The following FAM81A variants were observed in gnomAD, a reference collection of about 807,000 sequenced individuals.
FAM81A encodes family with sequence similarity 81 member A, also known as protein FAM81A.
FAM81A carries 19 observed loss-of-function variants against 46.7 expected under a neutral mutation model. That is an observed-to-expected ratio of 0.41 (90% confidence interval 0.28 to 0.60). The LOEUF is 0.60. Among genes scored for constraint, FAM81A ranks in the 20% least tolerant of loss-of-function variants. FAM81A has a pLI of 0.34. For synonymous variants in FAM81A, 183 were observed against 152.9 expected (o/e 1.20, Z -1.45); for missense variants, 377 against 453.5 (o/e 0.83, Z 1.53).
chr15:59,407,417 C>T (rs1464505355), intron 2 of FAM81A, among the ~76,000 whole-genome samples: 1 of 151,826 alleles, frequency 6.6e-6, no homozygotes, highest in Non-Finnish European at 1.5e-5. Flanking sequence ...GCCTCAGCCT[C>T]CCCAGTATCT....
At chr15:59,452,870 C>A (rs901868848) in intron 1 of FAM81A, among the ~76,000 whole-genome samples, 7 of 152,096 alleles carry the variant, frequency 4.6e-5, no homozygotes, top group Non-Finnish European at 8.8e-5. Context: ...TCAGGTGGTC[C>A]TCCTACCTTA....
intron 3 of FAM81A, among the ~76,000 whole-genome samples, chr15:59,474,099 G>C (rs1197268003): frequency 6.6e-6 from 1 of 152,052 alleles, no homozygotes; most frequent in Non-Finnish European, 1.5e-5. Flanking sequence ...CTTTCCCTCA[G>C]TGTATCCTGG....
At chr15:59,454,607 T>G (rs2081460179) in intron 1 of FAM81A, among the ~76,000 whole-genome samples, 1 of 152,062 alleles carries the variant, frequency 6.6e-6, no homozygotes, top group South Asian at 2.1e-4. Flanking sequence ...TATTGCATAT[T>G]TTGGGCATTT....
chr15:59,464,030 C>CT (rs1159127072), intron 3 of FAM81A, among the ~76,000 whole-genome samples: 1 of 152,096 alleles, frequency 6.6e-6, no homozygotes, highest in Non-Finnish European at 1.5e-5. Context: ...TTGAGATCAA[C>CT]TTTTTTTAGC....
intron 4 of FAM81A, among the ~76,000 whole-genome samples, chr15:59,505,378 G>T (rs1168466514): frequency 2.0e-5 from 3 of 152,070 alleles, no homozygotes; most frequent in African/African-American, 7.2e-5. Flanking sequence ...CAGGCATGGT[G>T]ATGTGTACCT....
At chr15:59,449,675 G>A (rs1391790152) in intron 1 of FAM81A, among the ~76,000 whole-genome samples, 5 of 151,138 alleles carry the variant, frequency 3.3e-5, no homozygotes, top group Non-Finnish European at 5.9e-5. Context: ...CCAGCTACGC[G>A]GGAGGCTGAG....
At chr15:59,518,911 G>T (rs2082295967) in intron 8 of FAM81A, among the ~76,000 whole-genome samples, 1 of 149,900 alleles carries the variant, frequency 6.7e-6, no homozygotes, top group South Asian at 2.1e-4. Context: ...GTTAACATAT[G>T]TATCATCTCA....
At chr15:59,452,792 C>G (rs1376150412) in intron 1 of FAM81A, among the ~76,000 whole-genome samples, 1 of 152,182 alleles carries the variant, frequency 6.6e-6, no homozygotes, top group Admixed American at 6.6e-5. Context: ...AACAGGATCT[C>G]ACTCTGTCAC....
intron 2 of FAM81A, among the ~76,000 whole-genome samples, chr15:59,427,674 T>C (rs1427974767): frequency 6.6e-6 from 1 of 152,248 alleles, no homozygotes; most frequent in East Asian, 1.9e-4. Context: ...TTTCTGTGCC[T>C]GTTTTATTTT....
At chr15:59,486,774 G>C (rs1246547837) in intron 3 of FAM81A, among the ~76,000 whole-genome samples, 1 of 152,110 alleles carries the variant, frequency 6.6e-6, no homozygotes, top group African/African-American at 2.4e-5. Context: ...ACCTACCATA[G>C]TGTATCTGTT....
chr15:59,482,465 C>T (rs545731832), intron 3 of FAM81A, among the ~76,000 whole-genome samples: 1 of 152,266 alleles, frequency 6.6e-6, no homozygotes, highest in African/African-American at 2.4e-5. Context: ...GACGGGGTTT[C>T]ACCATGTTGG....
At chr15:59,444,275 G>A (rs2081331613) in intron 1 of FAM81A, 2 of 152,228 alleles carry the variant, frequency 1.3e-5, no homozygotes, top group African/African-American at 4.8e-5. Context: ...GTGTGCGATG[G>A]TGGATGTGAG....
At chr15:59,498,965 A>G (rs1299229959) in intron 4 of FAM81A, among the ~76,000 whole-genome samples, 2 of 152,180 alleles carry the variant, frequency 1.3e-5, no homozygotes, top group East Asian at 1.9e-4. Context: ...CACCGCACCC[A>G]GCCCAAATGT....
At chr15:59,436,859 G>A (rs530410530), upstream of FAM81A, among the ~76,000 whole-genome samples, 10 of 152,274 alleles carry the variant, frequency 6.6e-5, no homozygotes, top group East Asian at 1.3e-3. Flanking sequence ...TGGTCACAAC[G>A]GCAGTGTTAA....
At chr15:59,407,131 C>T (rs1187206141) in intron 2 of FAM81A, 1 of 156,974 alleles carries the variant, frequency 6.4e-6, no homozygotes, top group East Asian at 1.8e-4. Flanking sequence ...GCTTCTTTGT[C>T]TTCCAAGTTA....
At chr15:59,475,611 AT>A (rs538975596) in intron 3 of FAM81A, among the ~76,000 whole-genome samples, 183 of 152,256 alleles carry the variant, frequency 1.2e-3, no homozygotes, top group African/African-American at 4.4e-3. Context: ...GGAGTGTGCA[AT>A]TTTGCAAGTG....
In FAM81A at chr15:59,507,221, C is replaced by T. The variant is rs1480176497; in HGVS notation, c.422C>T (p.Ala141Val). The change falls in exon 5 of 9, where the codon GCC becomes GTC. Residue 141 changes from alanine to valine, a missense_variant. By Grantham distance (64) the Ala-to-Val change is moderately conservative. Transcript: ENST00000288228. The stretch of plus-strand genomic sequence containing the variant: ...GTTCTTTGTCTGGACAGATGTGATG[C>T]CAGCATAGCTAGACTTTCTGCAGAG... ...DLRGRVARCD[A>V]SIARLSAEHK... 1 of 1,610,076 alleles carries T rather than the reference C, an allele frequency of 6.2e-7. No individual in the cohort carries two copies. The highest frequency in any genetic ancestry group is 1.1e-5 in the South Asian group (1 of 90,200).
At chr15:59,454,459 A>C (rs184291386) in intron 1 of FAM81A, among the ~76,000 whole-genome samples, 97 of 152,314 alleles carry the variant, frequency 6.4e-4, no homozygotes, top group African/African-American at 2.2e-3. Flanking sequence ...TTAAAATTTT[A>C]AAATATTCAT....
intron 3 of FAM81A, among the ~76,000 whole-genome samples, chr15:59,471,908 A>G (rs935631635): frequency 6.6e-6 from 1 of 152,192 alleles, no homozygotes; most frequent in Admixed American, 6.5e-5. Context: ...TAAGAGTTCT[A>G]GTGGATACTT....
Sources: allele counts gnomAD v4.1 joint callset (sites outside exome capture counted in the v4.1 genomes callset), GRCh38; gene constraint gnomAD v4.1.1; transcripts MANE v1.5; gene names NCBI Gene and HGNC (gene_info 2026-07-23, HGNC 2026-07-21).